IMMT: variants seen among roughly 807,000 people sequenced by gnomAD.
IMMT encodes inner membrane mitochondrial protein, also known as MICOS complex subunit MIC60.
IMMT carries 40 observed loss-of-function variants against 92.7 expected under a neutral mutation model. The ratio of observed to expected loss-of-function variants is 0.43; its 90% CI spans 0.34 to 0.56. The LOEUF is 0.56. Ranked by LOEUF, IMMT falls within the 20% of genes least tolerant of loss-of-function variation. The pLI is 0.03. For synonymous variants in IMMT, 322 were observed against 336.1 expected, an observed-to-expected ratio of 0.96 and a Z score of 0.46; for missense variants, 831 against 912.1, an observed-to-expected ratio of 0.91 and a Z score of 1.14.
Position 86,159,542 on chromosome 2 carries a change from G to C in IMMT, c.1026C>G (p.Val342=). 6.3e-7 allele frequency: 1 copy of C among 1,597,422 alleles called. No individual in the cohort carries two copies. The highest frequency in any genetic ancestry group is 8.6e-7 in the Non-Finnish European group (1 of 1,168,546). Residue 342 remains valine, a synonymous_variant, in exon 9 of 15, where the codon GTC becomes GTG. Coordinates refer to ENST00000410111, the MANE Select transcript of IMMT (RefSeq NM_006839.3). ...TAAGACTTAGGAAACATACCTTTTTGACCACATTATCCAGATCAACTATCA... is the reference window on the plus strand; with the variant it reads ...TAAGACTTAGGAAACATACCTTTTTCACCACATTATCCAGATCAACTATCA... The part of the protein sequence containing the change: ...HNMIVDLDNV[V]KKVQAAQSEA...
rs1677080561 is a variant in IMMT, at chr2:86,171,516, T to C, written c.422-171A>G. ...ACAAACAGGGGCACTGTCCACTGCA[T>C]ACATAAACTCACACAAAATGGACAA... On this transcript the variant is annotated intron_variant, in intron 4 of 14. Coordinates refer to ENST00000410111, the MANE Select transcript of IMMT (RefSeq NM_006839.3). The C allele has an allele frequency of 3.2e-5, 20 of 621,032 alleles. No individual in the cohort carries two copies. The East Asian group carries it at 5.7e-4, about 18-fold the overall frequency. The allele number at this position is 621,032 out of a possible 1,614,324, so 38.5% of individuals were successfully genotyped here.
intron 1 of IMMT, among the ~76,000 whole-genome samples, chr2:86,184,484 G>A (rs7566961): frequency 0.46 from 69,759 of 151,764 alleles, 16,580 homozygotes; most frequent in Non-Finnish European, 0.51. Context: ...TAATACGTTT[G>A]TTATTGTTAA....
intron 1 of IMMT, among the ~76,000 whole-genome samples, chr2:86,189,669 G>A (rs80258987): frequency 2.0e-5 from 3 of 152,262 alleles, no homozygotes; most frequent in Admixed American, 2.0e-4. Context: ...AACTGATAAC[G>A]TTTTTGTGGA....
chr2:86,150,443 GTA>G (rs1215283137), intron 12 of IMMT, among the ~76,000 whole-genome samples: 1 of 152,180 alleles, frequency 6.6e-6, no homozygotes, highest in Non-Finnish European at 1.5e-5. Flanking sequence ...GGCCAGAAGA[GTA>G]TGGTGTCAGG....
In IMMT at chr2:86,181,444, G is replaced by GA. The variant is rs1454216201; in HGVS notation, c.46-73dup. Reference sequence around the variant, plus strand: ...GTAAGCTTTTAGGGTTGGTAATACAGAAATAATACTTTTATTAAAAATGTC... The same window carrying GA: ...GTAAGCTTTTAGGGTTGGTAATACAGAAAATAATACTTTTATTAAAAATGTC... On this transcript the variant is annotated intron_variant, in intron 1 of 14. Transcript: ENST00000410111. 4 of 967,404 alleles carry GA rather than the reference G, an allele frequency of 4.1e-6. No individual in the cohort carries two copies. The East Asian group carries it at 1.0e-4, about 24-fold the overall frequency. 59.9% of individuals were successfully genotyped at this position (967,404 alleles called of 1,614,324 possible).
At chr2:86,188,801 C>T (rs931210081) in intron 1 of IMMT, among the ~76,000 whole-genome samples, 4 of 152,178 alleles carry the variant, frequency 2.6e-5, no homozygotes, top group South Asian at 2.1e-4. Flanking sequence ...AAAGAAACAC[C>T]TCATCAGATA....
intron 13 of IMMT, among the ~76,000 whole-genome samples, chr2:86,146,793 C>T (rs947392381): frequency 1.3e-5 from 2 of 150,852 alleles, no homozygotes; most frequent in African/African-American, 4.9e-5. Context: ...CAGAATCTTG[C>T]TCTGTCATCC....
chr2:86,184,956 A>G (rs1672663933), intron 1 of IMMT, among the ~76,000 whole-genome samples: 1 of 152,198 alleles, frequency 6.6e-6, no homozygotes, highest in Non-Finnish European at 1.5e-5. Context: ...TGGGAGGCCG[A>G]AGCGGGCGGA....
At chr2:86,146,017 T>C (rs1674976270) in intron 14 of IMMT, 51 bp downstream of exon 14, 4 of 1,384,790 alleles carry the variant, frequency 2.9e-6, no homozygotes, top group Non-Finnish European at 2.9e-6. Context: ...ATTATTTTGA[T>C]AAATTATGCT....
At chr2:86,148,599 A>G (rs1379062581) in intron 12 of IMMT, among the ~76,000 whole-genome samples, 5 of 152,180 alleles carry the variant, frequency 3.3e-5, no homozygotes, top group Admixed American at 1.3e-4. Context: ...GCGACAGAGC[A>G]AGACTCCATC....
At chr2:86,166,286 G>C (rs867036225) in intron 7 of IMMT, among the ~76,000 whole-genome samples, 9 of 152,054 alleles carry the variant, frequency 5.9e-5, no homozygotes, top group Non-Finnish European at 1.0e-4. Flanking sequence ...AGCCGAGATC[G>C]CACCACTGGA....
At chr2:86,179,402 G>A in intron 3 of IMMT, 31 bp downstream of exon 3, 1 of 1,480,778 alleles carries the variant, frequency 6.8e-7, no homozygotes. Flanking sequence ...TATTTCATTG[G>A]ATAAACTGAA....
At chr2:86,145,992 C>G in intron 14 of IMMT, 76 bp downstream of exon 14, 2 of 1,197,576 alleles carry the variant, frequency 1.7e-6, no homozygotes, top group Non-Finnish European at 2.3e-6. Context: ...ACATGTACCC[C>G]ATTTTCCCTA....
At chr2:86,159,919 A>G (rs1432802531) in intron 8 of IMMT, 5 of 298,540 alleles carry the variant, frequency 1.7e-5, no homozygotes, top group African/African-American at 4.4e-5. Context: ...AGAAAAGTCA[A>G]TGAAAGAAAT....
At chr2:86,193,649 A>AT (rs1183734026) in intron 1 of IMMT, among the ~76,000 whole-genome samples, 1 of 152,122 alleles carries the variant, frequency 6.6e-6, no homozygotes, top group Non-Finnish European at 1.5e-5. Flanking sequence ...AACAAGAGAG[A>AT]TGGGACCCAA....
chr2:86,173,784 C>T, intron 3 of IMMT, 23 bp from the exon 4 acceptor site: 1 of 1,275,986 alleles, frequency 7.8e-7, no homozygotes, highest in South Asian at 1.3e-5. Context: ...AAACATTTAA[C>T]ATTTCAGATA....
In IMMT at chr2:86,162,040, C is replaced by T. The variant is rs1187687137; in HGVS notation, c.832G>A (p.Glu278Lys). 1 of 1,604,248 alleles carries T rather than the reference C, an allele frequency of 6.2e-7. No homozygotes were observed. Among genetic ancestry groups the T allele is most frequent in the Admixed American group, 1.7e-5 (1 of 58,554 alleles). The change falls in exon 8 of 15, where the codon GAG (glutamate) becomes AAG (lysine). Residue 278 changes from glutamate (E) to lysine (K), a missense_variant. Glu to Lys is a moderately conservative substitution (Grantham distance 56). Transcript: ENST00000410111. ...EKKSAQWRTV[E>K]GALKERRKAV... is the part of the protein sequence containing the mutation. ...TTTCTGCGTTCCTTCAATGCACCCT[C>T]CACTGTGCGCCACTGAGCAGATTTC... is the stretch of plus-strand genomic sequence containing the variant.
intron 6 of IMMT, among the ~76,000 whole-genome samples, chr2:86,169,603 C>T (rs1014726352): frequency 6.6e-6 from 1 of 152,160 alleles, no homozygotes. Flanking sequence ...CCACGACCTC[C>T]AGAGACATCA....
At chr2:86,159,308 C>A in intron 9 of IMMT, 1 of 566,878 alleles carries the variant, frequency 1.8e-6, no homozygotes, top group Non-Finnish European at 3.2e-6. Context: ...TGGTCTCAAA[C>A]TCCTGGGCTC....
Sources: allele counts gnomAD v4.1 joint callset (sites outside exome capture counted in the v4.1 genomes callset), GRCh38; gene constraint gnomAD v4.1.1; transcripts MANE v1.5; gene names NCBI Gene and HGNC (gene_info 2026-07-23, HGNC 2026-07-21).